The following CNTN5 variants were observed in gnomAD, a reference collection of about 807,000 sequenced individuals.
The protein encoded by CNTN5 is contactin-5.
Under a neutral mutation model 129.1 loss-of-function variants are expected in CNTN5, and 77 were observed. That is an observed-to-expected ratio of 0.60 (90% CI 0.50 to 0.72). The LOEUF (loss-of-function observed/expected upper bound fraction) is 0.72, where lower values mean the gene tolerates loss of function less well. Ranked by LOEUF, CNTN5 falls within the 30% of genes least tolerant of loss-of-function variation. The pLI, the probability that CNTN5 is intolerant of heterozygous loss-of-function variation, is 0.00. For missense variants in CNTN5, 1,478 were observed against 1,328.8 expected (o/e 1.11, Z -1.75); for synonymous variants, 509 against 465.6 (o/e 1.09, Z -1.20).
chr11:99,321,836 G>C (rs1471507305), intron 1 of CNTN5, among the ~76,000 whole-genome samples: 1 of 152,098 alleles, frequency 6.6e-6, no homozygotes, highest in Non-Finnish European at 1.5e-5. Context: ...TGTTGAACGA[G>C]GATTCATGTT....
At position 100,149,880 on chromosome 11, in the gene CNTN5, T is replaced by TGAGA. The variant is rs532880567; in HGVS notation, c.1581-41245_1581-41242dup. Among the ~76,000 whole-genome samples the TGAGA allele has an allele frequency of 3.2e-3, 404 of 124,926 alleles. 11 individuals carry two copies. The highest frequency in any genetic ancestry group is 2.0e-3 in the East Asian group (9 of 4,420). The allele number at this position is 124,926 out of a possible 152,430, so 82.0% of individuals were successfully genotyped here. A position where few individuals can be genotyped will look rare whatever the true frequency, so the allele number is the denominator to read the frequency against. On this transcript the variant is annotated intron_variant, in intron 13 of 24. Coordinates refer to ENST00000524871, the MANE Select transcript of CNTN5 (RefSeq NM_014361.4). Reference sequence around the variant, plus strand: ...CTGCATTCCAGCCTGGGCGACAGGGTGAGACTCCATCTCAAAAAAAAAAAA... The same window carrying TGAGA: ...CTGCATTCCAGCCTGGGCGACAGGGTGAGAGAGACTCCATCTCAAAAAAAAAAAA...
chr11:99,757,099 G>A (rs1204406989), intron 3 of CNTN5, among the ~76,000 whole-genome samples: 2 of 151,980 alleles, frequency 1.3e-5, no homozygotes, highest in Non-Finnish European at 2.9e-5. Context: ...AGTCAGCAGG[G>A]TCGTGTTGTC....
intron 21 of CNTN5, among the ~76,000 whole-genome samples, chr11:100,338,871 G>T (rs1038787258): frequency 4.6e-5 from 7 of 152,102 alleles, no homozygotes; most frequent in African/African-American, 1.7e-4. Context: ...ACAGCTGTGT[G>T]TTAGCAGCTC....
At chr11:100,196,006 G>A (rs1183292258) in intron 15 of CNTN5, among the ~76,000 whole-genome samples, 3 of 151,978 alleles carry the variant, frequency 2.0e-5, no homozygotes, top group African/African-American at 7.2e-5. Flanking sequence ...GACTGTGGGA[G>A]TCAGAGGGAC....
chr11:99,630,567 A>G (rs752907712), intron 3 of CNTN5, among the ~76,000 whole-genome samples: 4 of 136,526 alleles, frequency 2.9e-5, no homozygotes, highest in Non-Finnish European at 6.5e-5. Context: ...GCCACATGTG[A>G]TAAAGAACAC....
intron 2 of CNTN5, among the ~76,000 whole-genome samples, chr11:99,410,038 C>A (rs1305668566): frequency 6.6e-6 from 1 of 151,942 alleles, no homozygotes; most frequent in Admixed American, 6.6e-5. Flanking sequence ...AGGTGTTTTG[C>A]CAGGGATATG....
chr11:99,176,257 A>G (rs1190499242), intron 1 of CNTN5, among the ~76,000 whole-genome samples: 1 of 151,262 alleles, frequency 6.6e-6, no homozygotes, highest in Non-Finnish European at 1.5e-5. Context: ...CCAGACCGAG[A>G]GGTTAAGAGA....
At chr11:99,883,490 C>G (rs1345986004) in intron 6 of CNTN5, among the ~76,000 whole-genome samples, 1 of 152,154 alleles carries the variant, frequency 6.6e-6, no homozygotes, top group Non-Finnish European at 1.5e-5. Context: ...CCTATTCATA[C>G]GCCTGTTAGA....
chr11:100,157,913 T>A (rs1360844973), intron 13 of CNTN5, among the ~76,000 whole-genome samples: 1 of 151,678 alleles, frequency 6.6e-6, no homozygotes. Context: ...AAAAATACAT[T>A]CAGGTGAATT....
intron 3 of CNTN5, among the ~76,000 whole-genome samples, chr11:99,754,301 CT>C (rs1257133147): frequency 6.6e-6 from 1 of 152,198 alleles, no homozygotes; most frequent in Non-Finnish European, 1.5e-5. Context: ...ATACACATTT[CT>C]GTCTTAAAAG....
At chr11:99,023,042 G>A (rs1009014872) in intron 1 of CNTN5, among the ~76,000 whole-genome samples, 1 of 152,132 alleles carries the variant, frequency 6.6e-6, no homozygotes, top group African/African-American at 2.4e-5. Flanking sequence ...GCACACCAAG[G>A]TGCTTTTGGA....
chr11:99,046,103 C>T (rs1235092797), intron 1 of CNTN5, among the ~76,000 whole-genome samples: 1 of 152,124 alleles, frequency 6.6e-6, no homozygotes, highest in African/African-American at 2.4e-5. Flanking sequence ...CTTTGAGAGG[C>T]CAAGGTGGGT....
intron 1 of CNTN5, among the ~76,000 whole-genome samples, chr11:99,270,724 C>T (rs993902607): frequency 6.6e-6 from 1 of 152,012 alleles, no homozygotes; most frequent in Non-Finnish European, 1.5e-5. Context: ...AATATTATAC[C>T]GACATGCTGT....
chr11:99,275,934 T>TAATTCAATTTTGTTCA (rs1317385786), intron 1 of CNTN5, among the ~76,000 whole-genome samples: 6 of 151,358 alleles, frequency 4.0e-5, no homozygotes, highest in African/African-American at 1.5e-4. Context: ...GAAAGAGAAA[T>TAATTCAATTTTGTTCA]AATTGAAGCC....
chr11:99,211,174 G>A (rs1489248805), intron 1 of CNTN5, among the ~76,000 whole-genome samples: 1 of 151,834 alleles, frequency 6.6e-6, no homozygotes, highest in Non-Finnish European at 1.5e-5. Flanking sequence ...GGTAATTTTT[G>A]TCTCAGTTTT....
intron 1 of CNTN5, among the ~76,000 whole-genome samples, chr11:99,057,755 A>G (rs1864684171): frequency 6.6e-6 from 1 of 151,198 alleles, no homozygotes; most frequent in Non-Finnish European, 1.5e-5. Flanking sequence ...TCAGTCATAT[A>G]TGTAATAAGT....
At chr11:99,620,355 A>C (rs1426913680) in intron 3 of CNTN5, among the ~76,000 whole-genome samples, 6 of 117,808 alleles carry the variant, frequency 5.1e-5, no homozygotes, top group African/African-American at 1.7e-4. Flanking sequence ...AATAGTATAC[A>C]ATTAAATAAA....
chr11:99,382,671 C>T (rs1368744630), intron 2 of CNTN5, among the ~76,000 whole-genome samples: 3 of 151,864 alleles, frequency 2.0e-5, no homozygotes, highest in Non-Finnish European at 4.4e-5. Flanking sequence ...ACTTATGACA[C>T]AATCAGAGAC....
rs1038580905 is a variant in CNTN5, at chr11:99,591,448, C to T, written c.55+35179C>T. Reference sequence around the variant, plus strand: ...TGCCTCCTGGGTTCGAGCAATTCTCCTGCCTCAGCCTCCCGAGTAGCTGAG... The same window carrying T: ...TGCCTCCTGGGTTCGAGCAATTCTCTTGCCTCAGCCTCCCGAGTAGCTGAG... On this transcript the variant is annotated intron_variant, in intron 3 of 24. Transcript: ENST00000524871. Among the ~76,000 whole-genome samples the T allele has an allele frequency of 3.3e-5, 5 of 149,610 alleles. No homozygotes were observed. The Admixed American group carries it at 3.4e-4, about 10-fold the overall frequency.
Sources: allele counts gnomAD v4.1 joint callset (sites outside exome capture counted in the v4.1 genomes callset), GRCh38; gene constraint gnomAD v4.1.1; transcripts MANE v1.5; gene names NCBI Gene and HGNC (gene_info 2026-07-23, HGNC 2026-07-21).